Variants in PUM1 observed in about 807,000 individuals in gnomAD.
PUM1 encodes the protein pumilio homolog 1.
In PUM1, 13 loss-of-function variants were observed where a neutral mutation model predicts 131.8. The observed-to-expected ratio is 0.10, with a 90% confidence interval of 0.06 to 0.16. PUM1 has a LOEUF of 0.16. PUM1 is among the 10% of genes least tolerant of loss of function. The pLI, the probability that PUM1 is intolerant of heterozygous loss-of-function variation, is 1.00. For synonymous variants in PUM1, 509 were observed against 556.5 expected, an observed-to-expected ratio of 0.91 and a Z score of 1.20; for missense variants, 961 against 1,512.4, an observed-to-expected ratio of 0.64 and a Z score of 6.05.
At chr1:30,965,825 T>C (rs944079013) in intron 13 of PUM1, among the ~76,000 whole-genome samples, 157 bp downstream of exon 13, 12 of 152,226 alleles carry the variant, frequency 7.9e-5, no homozygotes, top group Admixed American at 7.2e-4. Flanking sequence ...TATAACTTGA[T>C]TTCAATAGTC....
At chr1:31,010,600 C>A (rs1642577071) in intron 3 of PUM1, among the ~76,000 whole-genome samples, 1 of 152,184 alleles carries the variant, frequency 6.6e-6, no homozygotes, top group South Asian at 2.1e-4. Context: ...TGAACTCTGC[C>A]TCTGCCCTGG....
intron 17 of PUM1, chr1:30,949,024 AC>A (rs1639811767): frequency 2.2e-6 from 1 of 453,106 alleles, no homozygotes; most frequent in African/African-American, 2.0e-5. Context: ...CACTTTAAAA[AC>A]TTTGGACTTC....
chr1:30,982,485 A>G (rs1339265315), intron 7 of PUM1, among the ~76,000 whole-genome samples: 1 of 152,248 alleles, frequency 6.6e-6, no homozygotes, highest in Non-Finnish European at 1.5e-5. Context: ...GTTTGCTAAA[A>G]TCAGACTGAA....
At chr1:31,016,697 A>G (rs1297703265) in intron 3 of PUM1, among the ~76,000 whole-genome samples, 2 of 152,216 alleles carry the variant, frequency 1.3e-5, no homozygotes, top group South Asian at 2.1e-4. Context: ...ACAATCTGGC[A>G]TGCAGTAATT....
intron 21 of PUM1, among the ~76,000 whole-genome samples, chr1:30,936,442 A>G (rs1639213110): frequency 6.6e-6 from 1 of 152,242 alleles, no homozygotes; most frequent in Non-Finnish European, 1.5e-5. Flanking sequence ...TTCTCATACC[A>G]GTGTGGCTAT....
At chr1:30,963,571 T>A (rs915711395) in intron 14 of PUM1, among the ~76,000 whole-genome samples, 4 of 152,220 alleles carry the variant, frequency 2.6e-5, no homozygotes, top group Non-Finnish European at 5.9e-5. Flanking sequence ...ATAAGTCTAT[T>A]ACCCTACCCA....
At chr1:30,980,753 T>G (rs1428082038) in intron 8 of PUM1, among the ~76,000 whole-genome samples, 3 of 152,178 alleles carry the variant, frequency 2.0e-5, no homozygotes, top group African/African-American at 7.2e-5. Context: ...TTGTTTATAC[T>G]TAATGCACTC....
In PUM1 at chr1:30,993,483, A is replaced by G. The variant is rs376157735; in HGVS notation, c.888-823T>C. Among the ~76,000 whole-genome samples, 16 of 152,302 alleles carry G rather than the reference A, an allele frequency of 1.1e-4. No homozygotes were observed. In the South Asian group the frequency reaches 3.3e-3, roughly 32 times the overall value. On this transcript the variant is annotated intron_variant, in intron 6 of 21. Transcript: ENST00000426105. Reference sequence around the variant, plus strand: ...AAATCAGACTAATATATAATATTATATAAACAGAAGAGTGTAACCTGTGGC... The same window carrying G: ...AAATCAGACTAATATATAATATTATGTAAACAGAAGAGTGTAACCTGTGGC...
intron 2 of PUM1, among the ~76,000 whole-genome samples, chr1:31,047,939 C>T (rs1311816569): frequency 6.6e-6 from 1 of 151,638 alleles, no homozygotes; most frequent in Non-Finnish European, 1.5e-5. Flanking sequence ...AGTGAGACTC[C>T]GCTAAAAAAC....
At chr1:31,058,669 A>G (rs1464621002) in intron 2 of PUM1, among the ~76,000 whole-genome samples, 4 of 143,406 alleles carry the variant, frequency 2.8e-5, no homozygotes, top group Non-Finnish European at 4.6e-5. Flanking sequence ...CTTAAAAAAA[A>G]AAAAAAATGC....
intron 7 of PUM1, among the ~76,000 whole-genome samples, chr1:30,991,776 A>G (rs1641803379): frequency 6.6e-6 from 1 of 152,240 alleles, no homozygotes; most frequent in Admixed American, 6.5e-5. Flanking sequence ...CATGTCTTCA[A>G]AAACAGAAGG....
At chr1:31,028,935 AT>A in intron 2 of PUM1, 71 bp from the exon 3 acceptor site, 1 of 1,196,914 alleles carries the variant, frequency 8.4e-7, no homozygotes, top group Non-Finnish European at 1.2e-6. Context: ...ATTACACACA[AT>A]TGAAAATTTA....
Position 31,005,815 on chromosome 1 carries a change from GAGAGAGAGAT to G in PUM1, c.720+28_720+37del, listed in dbSNP as rs769790006. The G allele has an allele frequency of 2.9e-6, 4 of 1,372,698 alleles. No homozygotes were observed. In the African/African-American group the frequency reaches 5.5e-5, roughly 19 times the overall value. 85.0% of individuals were successfully genotyped at this position (1,372,698 alleles called of 1,614,324 possible). On this transcript the variant is annotated intron_variant, in intron 5 of 21. Transcript: ENST00000426105. ...AAAGAGAGAGAGAGAGAGAGAGAGA[GAGAGAGAGAT>G]AGGAACAAGTTCCTCAAGCCAACTT...
At chr1:31,002,334 A>G (rs1357516044) in intron 5 of PUM1, among the ~76,000 whole-genome samples, 1 of 152,218 alleles carries the variant, frequency 6.6e-6, no homozygotes, top group Non-Finnish European at 1.5e-5. Context: ...TCTACAGAAC[A>G]AACAGAAAGA....
At chr1:30,980,732 T>C (rs981058068) in intron 8 of PUM1, among the ~76,000 whole-genome samples, 3 of 152,056 alleles carry the variant, frequency 2.0e-5, no homozygotes, top group Admixed American at 1.3e-4. Flanking sequence ...AAAAAAAAAT[T>C]CTACTTCTAC....
chr1:30,952,855 C>T (rs1018816442), intron 15 of PUM1, among the ~76,000 whole-genome samples: 4 of 151,842 alleles, frequency 2.6e-5, no homozygotes, highest in African/African-American at 9.7e-5. Flanking sequence ...TAAAACAGTA[C>T]TCATCAGCTA....
intron 18 of PUM1, among the ~76,000 whole-genome samples, chr1:30,942,932 T>A (rs1372375324): frequency 6.6e-6 from 1 of 152,012 alleles, no homozygotes; most frequent in African/African-American, 2.4e-5. Context: ...AAAAAAAAAT[T>A]GTGTGTAGAG....
At chr1:31,003,081 T>G (rs1162547638) in intron 5 of PUM1, among the ~76,000 whole-genome samples, 1 of 152,196 alleles carries the variant, frequency 6.6e-6, no homozygotes, top group Non-Finnish European at 1.5e-5. Flanking sequence ...CTACAATCAC[T>G]ATACCATCAG....
intron 2 of PUM1, 103 bp from the exon 3 acceptor site, chr1:31,028,967 AT>A (rs1484044917): frequency 1.1e-6 from 1 of 896,090 alleles, no homozygotes; most frequent in Non-Finnish European, 1.8e-6. Context: ...ACTTTCAGAC[AT>A]TGGCAAAGAC....
Sources: allele counts gnomAD v4.1 joint callset (sites outside exome capture counted in the v4.1 genomes callset), GRCh38; gene constraint gnomAD v4.1.1; transcripts MANE v1.5; gene names NCBI Gene and HGNC (gene_info 2026-07-23, HGNC 2026-07-21).